The following DDR2 variants were observed in gnomAD, a reference collection of about 807,000 sequenced individuals.
DDR2 encodes discoidin domain-containing receptor 2.
DDR2 carries 27 observed loss-of-function variants against 94.9 expected under a neutral mutation model. That is an observed-to-expected ratio of 0.28 (90% CI 0.21 to 0.39). The LOEUF is 0.39. Ranked by LOEUF, DDR2 falls within the 10% of genes least tolerant of loss-of-function variation. The pLI, the probability that DDR2 is intolerant of heterozygous loss-of-function variation, is 1.00. For missense variants in DDR2, 783 were observed against 1,076.0 expected (o/e 0.73, Z 3.81); for synonymous variants, 382 against 377.2 (o/e 1.01, Z -0.15).
At chr1:162,642,528 G>A (rs1657192276) in intron 1 of DDR2, among the ~76,000 whole-genome samples, 1 of 150,096 alleles carries the variant, frequency 6.7e-6, no homozygotes, top group Admixed American at 6.7e-5. Flanking sequence ...GACCTCAGGT[G>A]ATCTACCCGC....
intron 3 of DDR2, among the ~76,000 whole-genome samples, chr1:162,743,594 C>T (rs553525960): frequency 1.3e-5 from 2 of 152,244 alleles, no homozygotes; most frequent in East Asian, 3.9e-4. Context: ...ACATAAATGT[C>T]CCCTAGGGTG....
rs1487008931 is a variant in DDR2, at chr1:162,785,915, C to T, written c.*5669C>T. 2.6e-5 allele frequency: 4 copies of T among 152,104 alleles called. No individual in the cohort carries two copies. The highest frequency in any genetic ancestry group is 4.4e-5 in the Non-Finnish European group (3 of 68,022). The allele number at this position is 152,104 out of a possible 1,614,324, so 9.4% of individuals were successfully genotyped here. A position where few individuals can be genotyped will look rare whatever the true frequency, so the allele number is the denominator to read the frequency against. On this transcript the variant is annotated 3_prime_UTR_variant, in exon 18 of 18. Coordinates refer to ENST00000367921, the MANE Select transcript of DDR2 (RefSeq NM_006182.4). ...AGGACACCGAATCAAAAGGAGAGAC[C>T]AGACTCTGGCCTCATACCCAGCCTA...
intron 8 of DDR2, 139 bp from the exon 9 acceptor site, chr1:162,761,072 C>A: frequency 4.0e-6 from 5 of 1,241,774 alleles, no homozygotes; most frequent in Non-Finnish European, 5.8e-6. Context: ...TAGGAGGAAG[C>A]AGGATGGCAG....
chr1:162,761,590 A>G lies in DDR2; in HGVS notation c.1099+136A>G, dbSNP rs1663749830. Reference sequence around the variant, plus strand: ...CAGCTTCTCATTGACGGATACGGTGAATCCTTTGTGTGACTAGTTTTAACT... The same window carrying G: ...CAGCTTCTCATTGACGGATACGGTGGATCCTTTGTGTGACTAGTTTTAACT... On this transcript the variant is annotated intron_variant, in intron 9 of 17. Coordinates refer to ENST00000367921, the MANE Select transcript of DDR2 (RefSeq NM_006182.4). 2.1e-6 allele frequency: 3 copies of G among 1,408,966 alleles called. No homozygotes were observed. In the South Asian group the frequency reaches 3.7e-5, roughly 17 times the overall value. 87.3% of individuals were successfully genotyped at this position (1,408,966 alleles called of 1,614,324 possible).
intron 9 of DDR2, among the ~76,000 whole-genome samples, chr1:162,764,511 G>A (rs193125110): frequency 2.8e-4 from 42 of 152,240 alleles, no homozygotes; most frequent in Admixed American, 1.1e-3. Flanking sequence ...CTTGTACTGG[G>A]CCTGGAAGAA....
intron 4 of DDR2, among the ~76,000 whole-genome samples, chr1:162,753,683 A>G (rs1663323244): frequency 6.6e-6 from 1 of 152,126 alleles, no homozygotes; most frequent in South Asian, 2.1e-4. Flanking sequence ...TCTCTCAAGG[A>G]TCTCTTACAC....
Position 162,719,655 on chromosome 1 carries a change from A to G in DDR2, c.82+510A>G, listed in dbSNP as rs16843923. On this transcript the variant is annotated intron_variant, in intron 3 of 17. Coordinates refer to ENST00000367921, the MANE Select transcript of DDR2 (RefSeq NM_006182.4). ...AGGTTAGGAGAATCTTTTGAGCCCA[A>G]ATTTGTGGGATTATTTTGTATTACA... Among the ~76,000 whole-genome samples, 829 of 152,288 alleles carry G rather than the reference A, an allele frequency of 5.4e-3. 8 individuals are homozygous for G. The highest frequency in any genetic ancestry group is 0.034 in the East Asian group (179 of 5,190).
chr1:162,662,518 C>T (rs553650793), intron 2 of DDR2, among the ~76,000 whole-genome samples: 79 of 152,268 alleles, frequency 5.2e-4, no homozygotes, highest in Admixed American at 7.2e-4. Context: ...TCTCTCTCTC[C>T]AGATTGTAAA....
chr1:162,710,416 A>G (rs1260515021), intron 2 of DDR2, among the ~76,000 whole-genome samples: 1 of 152,164 alleles, frequency 6.6e-6, no homozygotes, highest in Non-Finnish European at 1.5e-5. Flanking sequence ...AGGAAAGTTG[A>G]GAGTTAGGAA....
intron 3 of DDR2, among the ~76,000 whole-genome samples, chr1:162,745,051 T>C (rs1011116020): frequency 6.6e-6 from 1 of 152,256 alleles, no homozygotes; most frequent in African/African-American, 2.4e-5. Context: ...TATAAGGTGA[T>C]ATCTCATTAT....
chr1:162,690,443 C>G (rs150909086), intron 2 of DDR2, among the ~76,000 whole-genome samples: 2 of 152,216 alleles, frequency 1.3e-5, no homozygotes, highest in African/African-American at 4.8e-5. Context: ...GGTTCTCATT[C>G]ATTTATTTAC....
In DDR2 at chr1:162,784,734, G is replaced by C. The variant is rs1167182682; in HGVS notation, c.*4488G>C. On this transcript the variant is annotated 3_prime_UTR_variant, in exon 18 of 18. Transcript: ENST00000367921. ...AAACAAAAAACTTGTTATTTTGAAA[G>C]AACTTAAGGCTCACAAGATGTTACA... 1 of 151,986 alleles carries C rather than the reference G, an allele frequency of 6.6e-6. No homozygotes were observed. The highest frequency in any genetic ancestry group is 6.6e-5 in the Admixed American group (1 of 15,238). The allele number at this position is 151,986 out of a possible 1,614,324, so 9.4% of individuals were successfully genotyped here.
intron 2 of DDR2, among the ~76,000 whole-genome samples, chr1:162,710,300 T>G (rs1042856822): frequency 6.6e-5 from 10 of 152,166 alleles, no homozygotes; most frequent in Non-Finnish European, 1.0e-4. Context: ...TCAGGTCACC[T>G]GGGGCACATC....
chr1:162,656,275 C>G (rs1354867125), intron 2 of DDR2, among the ~76,000 whole-genome samples: 1 of 152,168 alleles, frequency 6.6e-6, no homozygotes, highest in African/African-American at 2.4e-5. Context: ...TTAGGCTTTA[C>G]TGTATTCTGC....
chr1:162,702,006 A>G (rs533534259), intron 2 of DDR2, among the ~76,000 whole-genome samples: 2 of 152,280 alleles, frequency 1.3e-5, no homozygotes, highest in Non-Finnish European at 2.9e-5. Flanking sequence ...CTGGAGCTGT[A>G]TTAAGCTCCT....
intron 2 of DDR2, among the ~76,000 whole-genome samples, chr1:162,715,511 G>A (rs945635420): frequency 1.3e-5 from 2 of 152,162 alleles, no homozygotes; most frequent in Non-Finnish European, 1.5e-5. Flanking sequence ...GACTGAGGTG[G>A]AGAGGATGAG....
intron 2 of DDR2, among the ~76,000 whole-genome samples, chr1:162,716,735 G>C (rs1031129710): frequency 3.3e-5 from 5 of 150,492 alleles, no homozygotes; most frequent in African/African-American, 1.2e-4. Context: ...CCCTCTGGGT[G>C]TGTCAGTATT....
intron 4 of DDR2, among the ~76,000 whole-genome samples, chr1:162,754,333 G>A (rs1663352557): frequency 6.6e-6 from 1 of 152,186 alleles, no homozygotes; most frequent in African/African-American, 2.4e-5. Flanking sequence ...ACAGAGAGTA[G>A]GAAGAGTTTT....
intron 9 of DDR2, 27 bp from the exon 10 acceptor site, chr1:162,765,974 C>T (rs778139204): frequency 1.2e-6 from 2 of 1,613,264 alleles, no homozygotes; most frequent in Non-Finnish European, 1.7e-6. Context: ...TTCTCCCTGG[C>T]TCTGACTCAC....
Sources: allele counts gnomAD v4.1 joint callset (sites outside exome capture counted in the v4.1 genomes callset), GRCh38; gene constraint gnomAD v4.1.1; transcripts MANE v1.5; gene names NCBI Gene and HGNC (gene_info 2026-07-23, HGNC 2026-07-21).